The following GTF2A1L variants were observed in gnomAD, a reference collection of about 807,000 sequenced individuals.
GTF2A1L encodes the protein TFIIA-alpha and beta-like factor.
GTF2A1L carries 48 observed loss-of-function variants against 49.7 expected under a neutral mutation model. The observed-to-expected ratio is 0.97, with a 90% CI of 0.77 to 1.23. The LOEUF (loss-of-function observed/expected upper bound fraction) is 1.23. GTF2A1L is among the 50% of genes most tolerant of loss of function. The probability of loss-of-function intolerance (pLI) is 0.00; values close to 1 mark genes in which losing one functional copy is unlikely to be tolerated. For synonymous variants in GTF2A1L, 246 were observed against 193.5 expected (o/e 1.27, Z -2.25); for missense variants, 736 against 564.8 (o/e 1.30, Z -3.07).
chr2:48,630,622 T>C (rs1676516987), intron 3 of GTF2A1L, among the ~76,000 whole-genome samples: 1 of 143,092 alleles, frequency 7.0e-6, no homozygotes, highest in South Asian at 2.4e-4. Context: ...TCTTGAGTGA[T>C]TGTTCTATAC....
At chr2:48,654,076 C>A (rs1290189964) in intron 6 of GTF2A1L, among the ~76,000 whole-genome samples, 1 of 152,070 alleles carries the variant, frequency 6.6e-6, no homozygotes, top group Non-Finnish European at 1.5e-5. Flanking sequence ...TGTATTTCCA[C>A]CAGCAATGTA....
chr2:48,671,791 C>G (rs539646000), intron 8 of GTF2A1L, 111 bp downstream of exon 8: 2 of 1,061,596 alleles, frequency 1.9e-6, no homozygotes, highest in East Asian at 5.1e-5. Flanking sequence ...TTAATCAAAA[C>G]AGCAGTTTAA....
At chr2:48,628,274 A>C (rs1181542953) in intron 3 of GTF2A1L, among the ~76,000 whole-genome samples, 1 of 143,932 alleles carries the variant, frequency 6.9e-6, no homozygotes, top group Non-Finnish European at 1.6e-5. Flanking sequence ...TGGTAGTTCT[A>C]TTTTAAGTTC....
At chr2:48,661,886 C>A (rs1317085743) in intron 6 of GTF2A1L, among the ~76,000 whole-genome samples, 2 of 152,014 alleles carry the variant, frequency 1.3e-5, no homozygotes, top group Non-Finnish European at 2.9e-5. Flanking sequence ...GAGTTTAATT[C>A]ATTTGCGTTT....
At chr2:48,659,925 A>G (rs1678391697) in intron 6 of GTF2A1L, among the ~76,000 whole-genome samples, 1 of 152,170 alleles carries the variant, frequency 6.6e-6, no homozygotes, top group African/African-American at 2.4e-5. Flanking sequence ...TAACATCTGT[A>G]AACAGAGATA....
intron 6 of GTF2A1L, among the ~76,000 whole-genome samples, chr2:48,662,719 G>A (rs563749004): frequency 6.7e-6 from 1 of 149,904 alleles, no homozygotes; most frequent in East Asian, 2.0e-4. Context: ...TTCAAACTTC[G>A]GCTGAGGAAT....
At chr2:48,648,554 G>T (rs1677664328) in intron 6 of GTF2A1L, among the ~76,000 whole-genome samples, 2 of 152,006 alleles carry the variant, frequency 1.3e-5, no homozygotes, top group African/African-American at 4.8e-5. Context: ...ACCACAGTAG[G>T]TTCAAATTCT....
rs2104035814 is a variant in GTF2A1L at position 48,618,035 on chromosome 2, C to T, written c.21+140C>T. 6.9e-6 allele frequency: 6 copies of T among 863,494 alleles called. No individual in the cohort carries two copies. The South Asian group carries it at 9.2e-5, about 13-fold the overall frequency. 53.5% of individuals were successfully genotyped at this position (863,494 alleles called of 1,614,324 possible). On this transcript the variant is annotated intron_variant, in intron 1 of 8. Coordinates refer to ENST00000403751, the MANE Select transcript of GTF2A1L (RefSeq NM_006872.5). ...TCTCTCTTCCTTAGGGGCTGGGGCTCTTCTTCACGTCTGTGTTGGAGGAAG... is the reference window on the plus strand; with the variant it reads ...TCTCTCTTCCTTAGGGGCTGGGGCTTTTCTTCACGTCTGTGTTGGAGGAAG...
chr2:48,666,708 C>T (rs1343165118), intron 6 of GTF2A1L, among the ~76,000 whole-genome samples: 1 of 151,970 alleles, frequency 6.6e-6, no homozygotes, highest in Non-Finnish European at 1.5e-5. Context: ...GACCCCTTCA[C>T]ATGAAATTTT....
intron 6 of GTF2A1L, among the ~76,000 whole-genome samples, chr2:48,657,717 A>G (rs1405200888): frequency 1.3e-5 from 2 of 149,864 alleles, no homozygotes; most frequent in Non-Finnish European, 3.0e-5. Flanking sequence ...TCCCACCAAC[A>G]TTGTACAAAC....
intron 6 of GTF2A1L, among the ~76,000 whole-genome samples, chr2:48,660,622 C>T (rs1340566488): frequency 2.0e-5 from 3 of 151,650 alleles, no homozygotes; most frequent in African/African-American, 7.3e-5. Context: ...ATGATGTCCC[C>T]TCTTTTATTT....
At chr2:48,676,655 T>C (rs1679482373) in intron 8 of GTF2A1L, among the ~76,000 whole-genome samples, 1 of 151,788 alleles carries the variant, frequency 6.6e-6, no homozygotes. Flanking sequence ...TACTCAGTTA[T>C]TTTCATTGCT....
intron 8 of GTF2A1L, among the ~76,000 whole-genome samples, chr2:48,676,368 G>C (rs561729381): frequency 6.6e-6 from 1 of 151,614 alleles, no homozygotes; most frequent in Non-Finnish European, 1.5e-5. Flanking sequence ...CCCAGAAATG[G>C]GATTCTGGGT....
At chr2:48,635,171 G>C (rs12997569) in intron 3 of GTF2A1L, among the ~76,000 whole-genome samples, 33,592 of 151,656 alleles carry the variant, frequency 0.22, 3,821 homozygotes, top group South Asian at 0.26. Flanking sequence ...ACTCAGGCTA[G>C]TGGACCAGGC....
chr2:48,667,535 G>A (rs770754099), intron 6 of GTF2A1L, among the ~76,000 whole-genome samples: 2 of 152,000 alleles, frequency 1.3e-5, no homozygotes, highest in East Asian at 1.9e-4. Context: ...TAATTTATTC[G>A]TAACAGAATA....
intron 6 of GTF2A1L, among the ~76,000 whole-genome samples, 161 bp from the exon 7 acceptor site, chr2:48,669,561 T>G (rs1384671225): frequency 6.6e-6 from 1 of 152,214 alleles, no homozygotes; most frequent in African/African-American, 2.4e-5. Context: ...TACATAGAAA[T>G]GCTAGGCTTA....
At chr2:48,661,637 C>T (rs949890570) in intron 6 of GTF2A1L, among the ~76,000 whole-genome samples, 1 of 151,996 alleles carries the variant, frequency 6.6e-6, no homozygotes, top group African/African-American at 2.4e-5. Flanking sequence ...ATTATTTTAT[C>T]ATTATGTGAT....
chr2:48,639,369 G>A (rs917996234), intron 3 of GTF2A1L, among the ~76,000 whole-genome samples: 1 of 152,140 alleles, frequency 6.6e-6, no homozygotes, highest in African/African-American at 2.4e-5. Flanking sequence ...CAATGGAACA[G>A]AATAGACAGC....
At chr2:48,657,249 C>T (rs962813795) in intron 6 of GTF2A1L, among the ~76,000 whole-genome samples, 2 of 152,164 alleles carry the variant, frequency 1.3e-5, no homozygotes, top group Non-Finnish European at 2.9e-5. Flanking sequence ...CCCTTGCCCT[C>T]ACTTCCCCTT....
Sources: allele counts gnomAD v4.1 joint callset (sites outside exome capture counted in the v4.1 genomes callset), GRCh38; gene constraint gnomAD v4.1.1; transcripts MANE v1.5; gene names NCBI Gene and HGNC (gene_info 2026-07-23, HGNC 2026-07-21).